The following TRIM29 variants were observed in gnomAD, a reference collection of about 807,000 sequenced individuals.
TRIM29 encodes tripartite motif containing 29.
TRIM29 carries 52 observed loss-of-function variants against 57.3 expected under a neutral mutation model. The ratio of observed to expected loss-of-function variants is 0.91; its 90% CI spans 0.73 to 1.14. TRIM29 has a LOEUF of 1.14. Ranked by LOEUF, TRIM29 falls within the 50% of genes most tolerant of loss-of-function variation. The pLI, the probability that TRIM29 is intolerant of heterozygous loss-of-function variation, is 0.00. For synonymous variants in TRIM29, 319 were observed against 316.9 expected, an observed-to-expected ratio of 1.01 and a Z score of -0.07; for missense variants, 753 against 774.6, an observed-to-expected ratio of 0.97 and a Z score of 0.33.
At chr11:120,114,351 C>A (rs1367811950) in intron 8 of TRIM29, among the ~76,000 whole-genome samples, 5 of 152,314 alleles carry the variant, frequency 3.3e-5, no homozygotes, top group South Asian at 4.1e-4. Flanking sequence ...GAGTCCAGCT[C>A]CAAATTACAT....
At chr11:120,134,959 C>T (rs1252596180) in intron 1 of TRIM29, among the ~76,000 whole-genome samples, 2 of 152,188 alleles carry the variant, frequency 1.3e-5, no homozygotes, top group East Asian at 1.9e-4. Context: ...TGTAACTAGA[C>T]GGGCGCTCCC....
Position 120,128,435 on chromosome 11 carries a change from C to G in TRIM29, c.865G>C (p.Ala289Pro). The G allele has an allele frequency of 6.2e-7, 1 of 1,612,564 alleles. No homozygotes were observed. Among genetic ancestry groups the G allele is most frequent in the Non-Finnish European group, 8.5e-7 (1 of 1,180,030 alleles). ...QLKIIEIEDEAEKWQKEKDRI... is the reference protein window; with the variant it reads ...QLKIIEIEDEPEKWQKEKDRI... The stretch of plus-strand genomic sequence containing the variant: ...TCCTTCTCCTTCTGCCACTTCTCAG[C>G]TTCATCCTCAATCTCAATGATCTTG... Residue 289 changes from alanine (A) to proline (P), a missense_variant, in exon 2 of 9, where the codon GCT (alanine) becomes CCT (proline). Coordinates refer to ENST00000341846, the MANE Select transcript of TRIM29 (RefSeq NM_012101.4).
chr11:120,112,163 T>G lies in TRIM29; in HGVS notation c.*251A>C. On this transcript the variant is annotated 3_prime_UTR_variant, in exon 9 of 9. Transcript: ENST00000341846. Reference sequence around the variant, plus strand: ...CAACCTATCTCACCCCTGTGATGGGTTGGCCTCTGAGCACAGGAATGATGG... The same window carrying G: ...CAACCTATCTCACCCCTGTGATGGGGTGGCCTCTGAGCACAGGAATGATGG... 1 of 463,622 alleles carries G rather than the reference T, an allele frequency of 2.2e-6. No individual in the cohort carries two copies. Among genetic ancestry groups the G allele is most frequent in the Non-Finnish European group, 3.9e-6 (1 of 255,864 alleles). 28.7% of individuals were successfully genotyped at this position (463,622 alleles called of 1,614,324 possible).
rs375539045 is a variant in TRIM29, at chr11:120,125,815, C to T, written c.1209G>A (p.Glu403=). 1 of 1,614,044 alleles carries T rather than the reference C, an allele frequency of 6.2e-7. No individual in the cohort carries two copies. Among genetic ancestry groups the T allele is most frequent in the African/African-American group, 1.3e-5 (1 of 74,920 alleles). The change falls in exon 4 of 9, where the codon GAG becomes GAA. Residue 403 remains glutamate (E), a synonymous_variant. Coordinates refer to ENST00000341846, the MANE Select transcript of TRIM29 (RefSeq NM_012101.4). The part of the protein sequence containing the change: ...LPTYHVLLEG[E]GLGQSLGNFK... ...AGTTGCCTAGTGACTGTCCCAGGCC[C>T]TCCCCCTCCAGCAGGACATGATAGG...
chr11:120,129,062 G>A, intron 1 of TRIM29: 1 of 504,826 alleles, frequency 2.0e-6, no homozygotes. Context: ...TGCAGTTTTG[G>A]CAAGACGGAG....
chr11:120,136,330 C>T (rs184729089), intron 1 of TRIM29, among the ~76,000 whole-genome samples: 8 of 152,192 alleles, frequency 5.3e-5, no homozygotes, highest in East Asian at 3.9e-4. Context: ...TTACATTAGC[C>T]GACAGTTTGG....
intron 8 of TRIM29, among the ~76,000 whole-genome samples, chr11:120,114,842 AT>A: frequency 6.6e-6 from 1 of 152,274 alleles, no homozygotes; most frequent in South Asian, 2.1e-4. Flanking sequence ...GCCTCGGGTC[AT>A]TAGATATTGA....
At chr11:120,122,064 C>T (rs1307795232) in intron 5 of TRIM29, 18 of 414,694 alleles carry the variant, frequency 4.3e-5, no homozygotes, top group South Asian at 1.7e-4. Context: ...CTGGGTGGGG[C>T]GGCACAGGTG....
chr11:120,122,127 T>TGTGA, intron 5 of TRIM29: 4 of 321,854 alleles, frequency 1.2e-5, no homozygotes, highest in African/African-American at 5.8e-5. Flanking sequence ...CCATTGTGTG[T>TGTGA]GTGAGTGTGT....
At chr11:120,126,891 T>C (rs470725) in intron 3 of TRIM29, among the ~76,000 whole-genome samples, 104,216 of 152,108 alleles carry the variant, frequency 0.69, 36,435 homozygotes, top group Non-Finnish European at 0.74. Flanking sequence ...CAGCACCTAA[T>C]AGAGTACTGG....
intron 5 of TRIM29, chr11:120,120,889 C>T: frequency 4.7e-6 from 3 of 642,892 alleles, no homozygotes; most frequent in Non-Finnish European, 8.6e-6. Context: ...TCAGCATAAA[C>T]TTGGAGAGGC....
chr11:120,111,892 C>T lies in TRIM29; in HGVS notation c.*522G>A, dbSNP rs570612553. On this transcript the variant is annotated 3_prime_UTR_variant, in exon 9 of 9. Transcript: ENST00000341846. ...CCATGCTGGGCATTGATAGGTAGGACGAGAGAGAGCACGTAGGGCCAGTCC... is the reference window on the plus strand; with the variant it reads ...CCATGCTGGGCATTGATAGGTAGGATGAGAGAGAGCACGTAGGGCCAGTCC... 13 of 162,784 alleles carry T rather than the reference C, an allele frequency of 8.0e-5. No individual in the cohort carries two copies. Among genetic ancestry groups the T allele is most frequent in the South Asian group, 3.5e-4 (2 of 5,752 alleles). 10.1% of individuals were successfully genotyped at this position (162,784 alleles called of 1,614,324 possible). A position where few individuals can be genotyped will look rare whatever the true frequency, so the allele number is the denominator to read the frequency against.
rs755981493 is a variant in TRIM29 at position 120,137,721 on chromosome 11, G to A, written c.311C>T (p.Ser104Leu). The A allele has an allele frequency of 2.0e-5, 32 of 1,612,520 alleles. No individual in the cohort carries two copies. The East Asian group carries it at 6.5e-4, about 33-fold the overall frequency. ...CCCCAGCTGGAGCCCTGCGTACGGC[G>A]ACCTCTTGCCTTCCATAGAGTCCAT... ...FSMDSMEGKRSPYAGLQLGAA... is the reference protein window; with the variant it reads ...FSMDSMEGKRLPYAGLQLGAA... Residue 104 changes from serine (S) to leucine (L), a missense_variant, in exon 1 of 9, where the codon TCG (serine) becomes TTG (leucine). Ser to Leu is a moderately radical substitution (Grantham distance 145). Transcript: ENST00000341846. This position sits in a 1 kb window ranked among gnomAD's most constrained non-coding sequence, Gnocchi z 6.2.
chr11:120,118,105 GC>G (rs1321684725), intron 7 of TRIM29, 117 bp downstream of exon 7: 7 of 952,142 alleles, frequency 7.4e-6, no homozygotes, highest in South Asian at 2.8e-5. Flanking sequence ...CTCAGGCCAG[GC>G]CTCTCTCCTC....
chr11:120,128,631 C>T, intron 1 of TRIM29, 136 bp from the exon 2 acceptor site: 1 of 1,524,898 alleles, frequency 6.6e-7, no homozygotes, highest in South Asian at 1.2e-5. Context: ...CTTCATTCAG[C>T]AAACATTCAT....
chr11:120,112,591 C>T, intron 8 of TRIM29, 115 bp from the exon 9 acceptor site: 1 of 1,120,278 alleles, frequency 8.9e-7, no homozygotes, highest in South Asian at 1.3e-5. Flanking sequence ...CCCGACAATT[C>T]TAGGGGCCTT....
rs562696599 is a variant in TRIM29, at chr11:120,115,149, C to G, written c.1704+189G>C. Among the ~76,000 whole-genome samples, 27 of 152,322 alleles carry G rather than the reference C, an allele frequency of 1.8e-4. 2 individuals are homozygous for G. In the South Asian group the frequency reaches 5.4e-3, roughly 30 times the overall value. On this transcript the variant is annotated intron_variant, in intron 8 of 8. Transcript: ENST00000341846. ...AGTGTATGCTTAGCTAGTCCCCTGC[C>G]CATTAGCCCTGGGTCTCTACTACCC...
intron 8 of TRIM29, 80 bp from the exon 9 acceptor site, chr11:120,112,556 C>A: frequency 6.7e-7 from 1 of 1,493,762 alleles, no homozygotes; most frequent in South Asian, 1.1e-5. Context: ...CCTAACCTGC[C>A]TCAGGAGGCA....
At chr11:120,118,124 T>G in intron 7 of TRIM29, 99 bp downstream of exon 7, 6 of 1,085,970 alleles carry the variant, frequency 5.5e-6, no homozygotes, top group African/African-American at 1.6e-5. Flanking sequence ...CTCCACGAGG[T>G]GAGGGAGGAA....
Sources: allele counts gnomAD v4.1 joint callset (sites outside exome capture counted in the v4.1 genomes callset), GRCh38; gene constraint gnomAD v4.1.1; non-coding constraint Gnocchi (gnomAD v3.1); transcripts MANE v1.5; gene names NCBI Gene and HGNC (gene_info 2026-07-23, HGNC 2026-07-21).